The following ADCY2 variants were observed in gnomAD, a reference collection of about 807,000 sequenced individuals.
The protein encoded by ADCY2 is adenylate cyclase 2.
A neutral mutation model predicts 125.2 loss-of-function variants in ADCY2; 31 were observed. The observed-to-expected ratio is 0.25, with a 90% CI of 0.19 to 0.33. The LOEUF (loss-of-function observed/expected upper bound fraction) is 0.33. Ranked by LOEUF, ADCY2 falls within the 10% of genes least tolerant of loss-of-function variation. The pLI is 1.00. For synonymous variants in ADCY2, 512 were observed against 548.4 expected, an observed-to-expected ratio of 0.93 and a Z score of 0.93; for missense variants, 904 against 1,418.2, an observed-to-expected ratio of 0.64 and a Z score of 5.82.
intron 18 of ADCY2, among the ~76,000 whole-genome samples, chr5:7,781,700 G>A (rs752782480): frequency 5.3e-5 from 8 of 152,146 alleles, no homozygotes; most frequent in African/African-American, 1.7e-4. Context: ...ATGCTACCTC[G>A]TTATAGCAAC....
chr5:7,423,488 A>G (rs1395902776), intron 2 of ADCY2, among the ~76,000 whole-genome samples: 1 of 152,024 alleles, frequency 6.6e-6, no homozygotes, highest in African/African-American at 2.4e-5. Flanking sequence ...GTCTTATGAG[A>G]TCTGATGGTT....
chr5:7,664,426 G>A (rs902194055), intron 4 of ADCY2, among the ~76,000 whole-genome samples: 2 of 152,190 alleles, frequency 1.3e-5, no homozygotes, highest in African/African-American at 4.8e-5. Context: ...ATGGAAAGGA[G>A]ACACTCCCTG....
At position 7,396,264 on chromosome 5, in the gene ADCY2, G is replaced by A; in HGVS notation, c.-33G>A. On this transcript the variant is annotated 5_prime_UTR_variant, in exon 1 of 25. Coordinates refer to ENST00000338316, the MANE Select transcript of ADCY2 (RefSeq NM_020546.3). The surrounding 1 kb of genome is among the most constrained non-coding windows in gnomAD (Gnocchi z 5.7). ...CGGCGAGCGGCGCTGCCCGGGCCGG[G>A]CGCGCACGGCGGGCGCCCTGTGAGC... 9.2e-7 allele frequency: 1 copy of A among 1,081,544 alleles called. No individual in the cohort carries two copies. The highest frequency in any genetic ancestry group is 1.1e-6 in the Non-Finnish European group (1 of 891,126). The allele number at this position is 1,081,544 out of a possible 1,614,324, so 67.0% of individuals were successfully genotyped here.
intron 22 of ADCY2, among the ~76,000 whole-genome samples, chr5:7,814,049 G>A (rs1745027703): frequency 6.6e-6 from 1 of 151,978 alleles, no homozygotes; most frequent in South Asian, 2.1e-4. Flanking sequence ...AGTGAGCTAT[G>A]ATAGAAAAGA....
chr5:7,466,169 G>A (rs1742108127), intron 2 of ADCY2, among the ~76,000 whole-genome samples: 1 of 152,086 alleles, frequency 6.6e-6, no homozygotes, highest in Admixed American at 6.5e-5. Context: ...GTTTATCTAT[G>A]ACTGCTTTGA....
intron 2 of ADCY2, among the ~76,000 whole-genome samples, chr5:7,440,601 TC>T (rs1252593300): frequency 3.3e-5 from 5 of 151,682 alleles, no homozygotes; most frequent in Non-Finnish European, 7.4e-5. Context: ...CCTTCCAGAG[TC>T]CCCCAAACAC....
chr5:7,416,033 T>C (rs1366265617), intron 2 of ADCY2, among the ~76,000 whole-genome samples: 1 of 152,048 alleles, frequency 6.6e-6, no homozygotes, highest in Admixed American at 6.5e-5. Flanking sequence ...CCAGTGAGGG[T>C]ACACTGCTGT....
At chr5:7,821,488 C>A (rs1745298461) in intron 24 of ADCY2, among the ~76,000 whole-genome samples, 1 of 152,128 alleles carries the variant, frequency 6.6e-6, no homozygotes, top group Non-Finnish European at 1.5e-5. Flanking sequence ...ACGAAGATGG[C>A]AGCTTGGTCA....
At chr5:7,494,669 C>T (rs752942738) in intron 2 of ADCY2, among the ~76,000 whole-genome samples, 5 of 152,068 alleles carry the variant, frequency 3.3e-5, no homozygotes, top group Non-Finnish European at 5.9e-5. Flanking sequence ...TTAGTGGTTA[C>T]GGAGGCAGAG....
At chr5:7,752,127 C>T (rs1475387154) in intron 15 of ADCY2, among the ~76,000 whole-genome samples, 2 of 151,912 alleles carry the variant, frequency 1.3e-5, no homozygotes, top group Non-Finnish European at 2.9e-5. Flanking sequence ...TCACCCAGGG[C>T]GAAAAGAAGA....
intron 3 of ADCY2, among the ~76,000 whole-genome samples, chr5:7,577,236 C>T (rs1736278837): frequency 6.6e-6 from 1 of 152,146 alleles, no homozygotes; most frequent in African/African-American, 2.4e-5. Context: ...CTTACTCACA[C>T]TGCAGGATCA....
intron 1 of ADCY2, among the ~76,000 whole-genome samples, chr5:7,403,356 T>C (rs951750883): frequency 6.6e-6 from 1 of 152,204 alleles, no homozygotes; most frequent in African/African-American, 2.4e-5. Context: ...GTTAGCATAG[T>C]TCAGACATAT....
chr5:7,448,045 C>A (rs1741337021), intron 2 of ADCY2, among the ~76,000 whole-genome samples: 2 of 152,124 alleles, frequency 1.3e-5, no homozygotes, highest in Admixed American at 1.3e-4. Context: ...GCACAAGCAC[C>A]CCTCTGAAGT....
At chr5:7,455,557 A>G (rs1310037108) in intron 2 of ADCY2, among the ~76,000 whole-genome samples, 7 of 150,700 alleles carry the variant, frequency 4.6e-5, no homozygotes, top group Non-Finnish European at 8.9e-5. Context: ...TAAAACATGT[A>G]GGAATATAAT....
rs147972327 is a variant in ADCY2 at position 7,826,859 on chromosome 5, C to T, written c.3264C>T (p.Asn1088=). ...TEMSRSLSQS[N]VAS is the part of the protein sequence containing the mutation. ...TGTCAAGGTCCCTTTCCCAGAGCAA[C>T]GTGGCATCCTGAAGAGTCACCTTCA... Residue 1088 remains asparagine (N), a synonymous_variant, in exon 25 of 25, where the codon AAC becomes AAT. Coordinates refer to ENST00000338316, the MANE Select transcript of ADCY2 (RefSeq NM_020546.3). 3.8e-5 allele frequency: 61 copies of T among 1,608,656 alleles called. No homozygotes were observed. Among genetic ancestry groups the T allele is most frequent in the African/African-American group, 2.1e-4 (16 of 74,816 alleles).
At chr5:7,581,864 G>C (rs1328143280) in intron 3 of ADCY2, among the ~76,000 whole-genome samples, 2 of 150,840 alleles carry the variant, frequency 1.3e-5, no homozygotes, top group Non-Finnish European at 3.0e-5. Context: ...AAAAGAAAAA[G>C]AGGAATGTAA....
intron 3 of ADCY2, among the ~76,000 whole-genome samples, chr5:7,564,703 C>G (rs1735832872): frequency 6.6e-6 from 1 of 152,164 alleles, no homozygotes; most frequent in African/African-American, 2.4e-5. Flanking sequence ...TGCCACCCTG[C>G]CTGCTAAGGG....
At chr5:7,613,157 TAA>T (rs1191336284) in intron 3 of ADCY2, among the ~76,000 whole-genome samples, 1 of 135,622 alleles carries the variant, frequency 7.4e-6, no homozygotes, top group Non-Finnish European at 1.6e-5. Flanking sequence ...TAAAGTATAA[TAA>T]TAAAAAAAAA....
intron 21 of ADCY2, 48 bp from the exon 22 acceptor site, chr5:7,804,537 C>T: frequency 7.1e-7 from 1 of 1,408,816 alleles, no homozygotes; most frequent in South Asian, 1.2e-5. Context: ...TGCTCAGCTT[C>T]AGGTCAGCAT....
Sources: allele counts gnomAD v4.1 joint callset (sites outside exome capture counted in the v4.1 genomes callset), GRCh38; gene constraint gnomAD v4.1.1; non-coding constraint Gnocchi (gnomAD v3.1); transcripts MANE v1.5; gene names NCBI Gene and HGNC (gene_info 2026-07-23, HGNC 2026-07-21).